Variants in PPP2CB observed in about 807,000 individuals in gnomAD.
PPP2CB encodes the protein serine/threonine-protein phosphatase 2A catalytic subunit beta isoform.
A neutral mutation model predicts 39.1 loss-of-function variants in PPP2CB; 18 were observed. The ratio of observed to expected loss-of-function variants is 0.46; its 90% CI spans 0.32 to 0.68. PPP2CB has a LOEUF of 0.68. Among genes scored for constraint, PPP2CB ranks in the 30% least tolerant of loss-of-function variants. The pLI is 0.04. For synonymous variants in PPP2CB, 129 were observed against 133.8 expected, an observed-to-expected ratio of 0.96 and a Z score of 0.25; for missense variants, 226 against 396.9, an observed-to-expected ratio of 0.57 and a Z score of 3.66.
intron 1 of PPP2CB, among the ~76,000 whole-genome samples, chr8:30,806,574 G>C (rs1404282041): frequency 6.6e-6 from 1 of 152,150 alleles, no homozygotes; most frequent in Non-Finnish European, 1.5e-5. Flanking sequence ...GATTACTTCT[G>C]TAACTTTAAT....
At chr8:30,797,862 TATATTAA>T in intron 2 of PPP2CB, 108 bp from the exon 3 acceptor site, 1 of 1,044,302 alleles carries the variant, frequency 9.6e-7, no homozygotes, top group Non-Finnish European at 1.4e-6. Context: ...TGGCCACCAG[TATATTAA>T]ATGTTAATTT....
chr8:30,801,718 T>A (rs1806631201), intron 1 of PPP2CB, among the ~76,000 whole-genome samples: 1 of 152,186 alleles, frequency 6.6e-6, no homozygotes, highest in South Asian at 2.1e-4. Context: ...CTACTCTGCA[T>A]TTTTGTCAAC....
chr8:30,800,503 T>C (rs1806603027), intron 1 of PPP2CB, among the ~76,000 whole-genome samples: 2 of 152,232 alleles, frequency 1.3e-5, no homozygotes, highest in Non-Finnish European at 2.9e-5. Context: ...ATTCCAATTA[T>C]TTTATATTTA....
chr8:30,811,796 C>T (rs1265295744), intron 1 of PPP2CB, among the ~76,000 whole-genome samples: 1 of 152,154 alleles, frequency 6.6e-6, no homozygotes, highest in East Asian at 1.9e-4. Context: ...GCCACCACGC[C>T]CGGCTTGAGT....
At chr8:30,795,498 G>A (rs995166672) in intron 3 of PPP2CB, among the ~76,000 whole-genome samples, 4 of 152,096 alleles carry the variant, frequency 2.6e-5, no homozygotes, top group Non-Finnish European at 4.4e-5. Flanking sequence ...TAAAATAACT[G>A]AGTTTTGAAT....
chr8:30,812,311 C>T lies in PPP2CB; in HGVS notation c.102+9G>A. The T allele has an allele frequency of 6.6e-7, 1 of 1,511,520 alleles. No individual in the cohort carries two copies. The allele number at this position is 1,511,520 out of a possible 1,614,324, so 93.6% of individuals were successfully genotyped here. On this transcript the variant is annotated intron_variant, in intron 1 of 6. Coordinates refer to ENST00000221138, the MANE Select transcript of PPP2CB (RefSeq NM_001009552.2). ...CGCGCTCCCGCACTCGCCCCCGCGG[C>T]GCCCTCACCTTCTCGCACAGCGTCC... is the stretch of plus-strand genomic sequence containing the variant.
At chr8:30,790,540 T>G (rs1806413171) in intron 6 of PPP2CB, among the ~76,000 whole-genome samples, 2 of 152,188 alleles carry the variant, frequency 1.3e-5, no homozygotes, top group South Asian at 4.1e-4. Context: ...CTGCCTTTCC[T>G]CCTGAGCAGA....
At chr8:30,804,435 G>A (rs756686304) in intron 1 of PPP2CB, among the ~76,000 whole-genome samples, 39 of 152,162 alleles carry the variant, frequency 2.6e-4, no homozygotes, top group Non-Finnish European at 4.6e-4. Flanking sequence ...GCGGACTTTG[G>A]ATGATCCCAC....
In PPP2CB at chr8:30,799,824, T is replaced by TG. The variant is rs1806591234; in HGVS notation, c.103-70dup. On this transcript the variant is annotated intron_variant, in intron 1 of 6. Transcript: ENST00000221138. ...ATTTCTTATCTATTAAAAGAAAATT[T>TG]GGGGAAAAAAACACTTGAAAAGTGC... The TG allele has an allele frequency of 5.5e-6, 8 of 1,444,316 alleles. No individual in the cohort carries two copies. The Admixed American group carries it at 7.7e-5, about 14-fold the overall frequency. 89.5% of individuals were successfully genotyped at this position (1,444,316 alleles called of 1,614,324 possible).
At chr8:30,790,369 C>T (rs973407118) in intron 6 of PPP2CB, among the ~76,000 whole-genome samples, 1 of 152,204 alleles carries the variant, frequency 6.6e-6, no homozygotes, top group Non-Finnish European at 1.5e-5. Context: ...TGTTGCTCTG[C>T]TCTTTTGTAT....
chr8:30,794,845 T>C (rs1806493319), intron 3 of PPP2CB, among the ~76,000 whole-genome samples: 1 of 152,244 alleles, frequency 6.6e-6, no homozygotes, highest in African/African-American at 2.4e-5. Flanking sequence ...TGATTCCTGT[T>C]ACTGGCTACA....
chr8:30,807,470 C>T (rs1806743358), intron 1 of PPP2CB, among the ~76,000 whole-genome samples: 1 of 152,314 alleles, frequency 6.6e-6, no homozygotes, highest in African/African-American at 2.4e-5. Context: ...AACGCCAGGA[C>T]TTAGAAACAT....
At chr8:30,796,913 G>A (rs111965693) in intron 3 of PPP2CB, among the ~76,000 whole-genome samples, 179 of 152,268 alleles carry the variant, frequency 1.2e-3, no homozygotes, top group African/African-American at 3.9e-3. Context: ...GCTGGATCAC[G>A]GCTCACTGCA....
In PPP2CB at chr8:30,812,412, T is replaced by G. The variant is rs1178931757; in HGVS notation, c.10A>C (p.Lys4Gln). 1 of 1,535,954 alleles carries G rather than the reference T, an allele frequency of 6.5e-7. No individual in the cohort carries two copies. The highest frequency in any genetic ancestry group is 2.5e-5 in the East Asian group (1 of 39,392). MDD[K>Q]AFTKELDQWV... ...TGGTCCAGCTCCTTGGTGAACGCCT[T>G]GTCGTCCATGGCGGCCCGATCCCGA... Residue 4 changes from lysine (K) to glutamine (Q), a missense_variant, in exon 1 of 7, where the codon AAG becomes CAG. By Grantham distance (53) the Lys-to-Gln change is moderately conservative (BLOSUM62 1). Coordinates refer to ENST00000221138, the MANE Select transcript of PPP2CB (RefSeq NM_001009552.2).
intron 1 of PPP2CB, among the ~76,000 whole-genome samples, chr8:30,809,725 G>C (rs900814517): frequency 1.3e-5 from 2 of 152,116 alleles, no homozygotes; most frequent in Non-Finnish European, 2.9e-5. Context: ...AGGATCACTT[G>C]AGCCCGAGAG....
chr8:30,791,917 T>C (rs546186454), intron 5 of PPP2CB, among the ~76,000 whole-genome samples: 23 of 151,926 alleles, frequency 1.5e-4, no homozygotes, highest in Admixed American at 1.4e-3. Flanking sequence ...TGTATATACA[T>C]ACACGTATAT....
chr8:30,800,718 TCTAACCCACCAGAA>T (rs1806607209), intron 1 of PPP2CB, among the ~76,000 whole-genome samples: 2 of 152,136 alleles, frequency 1.3e-5, no homozygotes, highest in African/African-American at 2.4e-5. Flanking sequence ...TAAAAATGTA[TCTAACCCACCAGAA>T]GAGACTCTCA....
At chr8:30,807,115 T>C (rs764812188) in intron 1 of PPP2CB, among the ~76,000 whole-genome samples, 7 of 152,216 alleles carry the variant, frequency 4.6e-5, no homozygotes, top group Non-Finnish European at 8.8e-5. Flanking sequence ...TCTATTTCAC[T>C]GTAATCATGC....
rs1181985218 is a variant in PPP2CB, at chr8:30,785,986, G to C, written c.*249C>G. On this transcript the variant is annotated 3_prime_UTR_variant, in exon 7 of 7. Coordinates refer to ENST00000221138, the MANE Select transcript of PPP2CB (RefSeq NM_001009552.2). ...TGCTTGAACAGTCCAAAGGAAAATG[G>C]TTACTATAAATACAGCAGGCAAACT... The C allele has an allele frequency of 1.6e-6, 1 of 622,756 alleles. No homozygotes were observed. The highest frequency in any genetic ancestry group is 3.4e-5 in the East Asian group (1 of 29,750). 38.6% of individuals were successfully genotyped at this position (622,756 alleles called of 1,614,324 possible).
Sources: gnomAD v4.1 joint callset for allele counts (sites outside exome capture counted in the v4.1 genomes callset) on GRCh38, gnomAD v4.1.1 for gene constraint, MANE v1.5 for transcripts, NCBI Gene and HGNC (gene_info 2026-07-23, HGNC 2026-07-21) for gene names.